The following PTPRM variants were observed in gnomAD, a reference collection of about 807,000 sequenced individuals.
PTPRM encodes the protein receptor-type tyrosine-protein phosphatase mu.
In PTPRM, 47 loss-of-function variants were observed where a neutral mutation model predicts 186.7. That is an observed-to-expected ratio of 0.25 (90% confidence interval 0.20 to 0.32). The LOEUF (loss-of-function observed/expected upper bound fraction) is 0.32, where lower values mean the gene tolerates loss of function less well. PTPRM is among the 10% of genes least tolerant of loss of function. The pLI is 1.00. For missense variants in PTPRM, 1,494 were observed against 1,865.0 expected (o/e 0.80, Z 3.66); for synonymous variants, 668 against 674.9 (o/e 0.99, Z 0.16).
intron 1 of PTPRM, among the ~76,000 whole-genome samples, chr18:7,627,663 C>G (rs897243082): frequency 6.6e-6 from 1 of 152,134 alleles, no homozygotes; most frequent in Non-Finnish European, 1.5e-5. Context: ...TGAGAAAATT[C>G]GGCGGGCACC....
intron 14 of PTPRM, among the ~76,000 whole-genome samples, chr18:8,229,835 G>T (rs1180068555): frequency 6.6e-6 from 1 of 152,102 alleles, no homozygotes; most frequent in Non-Finnish European, 1.5e-5. Flanking sequence ...ATATATATAT[G>T]TGTGTATACA....
At chr18:8,151,590 G>A (rs2093007798) in intron 14 of PTPRM, among the ~76,000 whole-genome samples, 1 of 150,990 alleles carries the variant, frequency 6.6e-6, no homozygotes, top group East Asian at 2.0e-4. Context: ...CATGAGGGTG[G>A]GACCCACTGA....
At chr18:7,770,330 C>T (rs2042218033) in intron 1 of PTPRM, among the ~76,000 whole-genome samples, 1 of 152,270 alleles carries the variant, frequency 6.6e-6, no homozygotes, top group East Asian at 1.9e-4. Flanking sequence ...AATAGAGGAA[C>T]CTACAGGATG....
rs530633197 is a variant in PTPRM, at chr18:7,672,641, G to T, written c.74-101508G>T. The stretch of plus-strand genomic sequence containing the variant: ...TACATAGTCCTCTAATTTGAGGCAG[G>T]GTATAGTTTTCTCAAGGAGTCAGGC... On this transcript the variant is annotated intron_variant, in intron 1 of 32. Coordinates refer to ENST00000580170, the MANE Select transcript of PTPRM (RefSeq NM_001105244.2). Among the ~76,000 whole-genome samples the T allele has an allele frequency of 2.6e-4, 40 of 152,226 alleles. 1 individual carries two copies. Among genetic ancestry groups the T allele is most frequent in the African/African-American group, 9.6e-4 (40 of 41,544 alleles).
intron 13 of PTPRM, among the ~76,000 whole-genome samples, chr18:8,115,278 C>T (rs2091912525): frequency 6.6e-6 from 1 of 152,046 alleles, no homozygotes; most frequent in Non-Finnish European, 1.5e-5. Context: ...GCTTTTTTCA[C>T]TGGTGGTGCG....
At chr18:8,036,569 A>G (rs2148119259) in intron 7 of PTPRM, among the ~76,000 whole-genome samples, 1 of 152,344 alleles carries the variant, frequency 6.6e-6, no homozygotes, top group Non-Finnish European at 1.5e-5. Flanking sequence ...TTTTGACTGC[A>G]GCACACAATG....
intron 2 of PTPRM, among the ~76,000 whole-genome samples, chr18:7,875,675 T>A (rs988175836): frequency 4.6e-5 from 7 of 152,154 alleles, no homozygotes; most frequent in Admixed American, 1.3e-4. Context: ...TTACTCTTTT[T>A]TCAGCAAATT....
At chr18:7,928,188 C>T (rs748048826) in intron 5 of PTPRM, among the ~76,000 whole-genome samples, 4 of 152,190 alleles carry the variant, frequency 2.6e-5, no homozygotes, top group Non-Finnish European at 5.9e-5. Flanking sequence ...TTCCACCCCT[C>T]TGCCCAGTGT....
chr18:7,681,479 G>T (rs540761325), intron 1 of PTPRM, among the ~76,000 whole-genome samples: 2 of 151,954 alleles, frequency 1.3e-5, no homozygotes, highest in Admixed American at 6.5e-5. Context: ...GGGCCATCAA[G>T]TTCTCTCCTC....
At chr18:8,019,001 T>C (rs1356945605) in intron 7 of PTPRM, among the ~76,000 whole-genome samples, 2 of 152,182 alleles carry the variant, frequency 1.3e-5, no homozygotes, top group Non-Finnish European at 2.9e-5. Context: ...AAAACCAGTA[T>C]ACCCAGATAA....
chr18:8,215,147 A>G (rs1465425649), intron 14 of PTPRM, among the ~76,000 whole-genome samples: 1 of 152,216 alleles, frequency 6.6e-6, no homozygotes, highest in Non-Finnish European at 1.5e-5. Context: ...GAGGGACAAC[A>G]TTGGGAAGCA....
intron 2 of PTPRM, among the ~76,000 whole-genome samples, chr18:7,873,073 C>T (rs1052132430): frequency 1.3e-5 from 2 of 152,038 alleles, no homozygotes; most frequent in African/African-American, 4.8e-5. Context: ...TTTTCATCTC[C>T]TTATCTTGCA....
intron 19 of PTPRM, among the ~76,000 whole-genome samples, chr18:8,277,875 A>G (rs185193730): frequency 2.7e-4 from 41 of 152,364 alleles, no homozygotes; most frequent in South Asian, 8.3e-4. Context: ...TGAGATAGCC[A>G]TGATTTAAAT....
intron 7 of PTPRM, among the ~76,000 whole-genome samples, chr18:7,961,095 G>A (rs1177822814): frequency 6.6e-6 from 1 of 151,848 alleles, no homozygotes; most frequent in East Asian, 1.9e-4. Flanking sequence ...GGGTAAATGG[G>A]GTATCCATCA....
At chr18:7,720,988 T>C (rs1266127967) in intron 1 of PTPRM, among the ~76,000 whole-genome samples, 1 of 152,146 alleles carries the variant, frequency 6.6e-6, no homozygotes. Flanking sequence ...TGATATATAC[T>C]CAAATGGAAT....
chr18:8,177,506 T>G (rs2093503224), intron 14 of PTPRM, among the ~76,000 whole-genome samples: 1 of 152,232 alleles, frequency 6.6e-6, no homozygotes, highest in East Asian at 1.9e-4. Flanking sequence ...ATTAGTTGGT[T>G]CCTGTGATTG....
chr18:7,643,412 T>G (rs1430061018), intron 1 of PTPRM, among the ~76,000 whole-genome samples: 1 of 152,168 alleles, frequency 6.6e-6, no homozygotes, highest in African/African-American at 2.4e-5. Flanking sequence ...CAATCTTGGC[T>G]TACTGCAAGC....
At chr18:7,657,860 G>A (rs536258284) in intron 1 of PTPRM, among the ~76,000 whole-genome samples, 2 of 152,222 alleles carry the variant, frequency 1.3e-5, no homozygotes, top group Admixed American at 6.5e-5. Context: ...CCTGGGGGAA[G>A]AACATTGTGT....
chr18:8,251,802 A>G (rs993053474), intron 17 of PTPRM: 11 of 152,232 alleles, frequency 7.2e-5, no homozygotes, highest in African/African-American at 2.4e-4. Context: ...CGTAAAAAAT[A>G]AATAACATAT....
Sources: gnomAD v4.1 joint callset for allele counts (sites outside exome capture counted in the v4.1 genomes callset) on GRCh38, gnomAD v4.1.1 for gene constraint, MANE v1.5 for transcripts, NCBI Gene and HGNC (gene_info 2026-07-23, HGNC 2026-07-21) for gene names.